ATP8A1: variants seen among roughly 807,000 people sequenced by gnomAD.
The protein encoded by ATP8A1 is phospholipid-transporting ATPase IA.
In ATP8A1, 90 loss-of-function variants were observed where a neutral mutation model predicts 177.7. The ratio of observed to expected loss-of-function variants is 0.51; its 90% CI spans 0.43 to 0.60. The LOEUF is 0.60. Ranked by LOEUF, ATP8A1 falls within the 20% of genes least tolerant of loss-of-function variation. The pLI, the probability that ATP8A1 is intolerant of heterozygous loss-of-function variation, is 0.00. For missense variants in ATP8A1, 1,072 were observed against 1,392.8 expected (o/e 0.77, Z 3.67); for synonymous variants, 493 against 485.9 (o/e 1.01, Z -0.19).
intron 16 of ATP8A1, 89 bp downstream of exon 16, chr4:42,555,879 G>A: frequency 1.2e-6 from 1 of 828,348 alleles, no homozygotes; most frequent in Non-Finnish European, 1.8e-6. Flanking sequence ...AGTAAAAAAA[G>A]AGAAACATGT....
Position 42,555,123 on chromosome 4 carries a change from ATCTATCTATCTATCTAATCT to A in ATP8A1, c.1413+825_1413+844del, listed in dbSNP as rs1220530918. Among the ~76,000 whole-genome samples, 486 of 97,548 alleles carry A rather than the reference ATCTATCTATCTATCTAATCT, an allele frequency of 5.0e-3. 2 individuals are homozygous for A. Among genetic ancestry groups the A allele is most frequent in the Non-Finnish European group, 6.4e-3 (312 of 48,778 alleles). 64.0% of individuals were successfully genotyped at this position (97,548 alleles called of 152,430 possible). A position where few individuals can be genotyped will look rare whatever the true frequency, so the allele number is the denominator to read the frequency against. On this transcript the variant is annotated intron_variant, in intron 16 of 36. Transcript: ENST00000381668. The stretch of plus-strand genomic sequence containing the variant: ...TATCTATCTATCTATCTATCTATCT[ATCTATCTATCTATCTAATCT>A]ATCTATCTATCTATCTATCTATCTA...
At chr4:42,477,546 G>T (rs1038719033) in intron 25 of ATP8A1, among the ~76,000 whole-genome samples, 1 of 152,120 alleles carries the variant, frequency 6.6e-6, no homozygotes, top group East Asian at 1.9e-4. Context: ...TTGCCTGGGG[G>T]CATACAGAGG....
At chr4:42,488,623 A>G (rs1267651715) in intron 24 of ATP8A1, among the ~76,000 whole-genome samples, 1 of 152,154 alleles carries the variant, frequency 6.6e-6, no homozygotes, top group Non-Finnish European at 1.5e-5. Flanking sequence ...CTGACACAAT[A>G]AAGTCTAAAC....
Position 42,656,853 on chromosome 4 carries a change from G to A in ATP8A1, c.21C>T (p.Thr7=), listed in dbSNP as rs1741688669. 2 of 1,586,422 alleles carry A rather than the reference G, an allele frequency of 1.3e-6. No homozygotes were observed. The highest frequency in any genetic ancestry group is 8.6e-7 in the Non-Finnish European group (1 of 1,166,600). The change falls in exon 1 of 37, where the codon ACC becomes ACT. Residue 7 remains threonine (T), a synonymous_variant. Coordinates refer to ENST00000381668, the MANE Select transcript of ATP8A1 (RefSeq NM_006095.2). The stretch of plus-strand genomic sequence containing the variant: ...CGGCGCGCGAGCGGATCTCCGACAC[G>A]GTCCTCCGCATGGTGGGCATCGCGG... MPTMRR[T]VSEIRSRAEG...
At chr4:42,509,423 T>C (rs1724765223) in intron 22 of ATP8A1, among the ~76,000 whole-genome samples, 1 of 152,252 alleles carries the variant, frequency 6.6e-6, no homozygotes, top group Admixed American at 6.5e-5. Context: ...GTCCCCGCTA[T>C]AGCGGCCATA....
chr4:42,647,867 A>G (rs1006243527), intron 1 of ATP8A1, among the ~76,000 whole-genome samples: 1 of 152,210 alleles, frequency 6.6e-6, no homozygotes, highest in African/African-American at 2.4e-5. Context: ...TCCACAATAC[A>G]TCAGCAGATA....
chr4:42,435,817 T>C (rs1459467321), intron 33 of ATP8A1, among the ~76,000 whole-genome samples: 1 of 152,242 alleles, frequency 6.6e-6, no homozygotes, highest in Non-Finnish European at 1.5e-5. Flanking sequence ...CCGTCCCAAC[T>C]TCAGAAAGAC....
At chr4:42,562,901 G>T (rs1450139372) in intron 15 of ATP8A1, among the ~76,000 whole-genome samples, 1 of 152,208 alleles carries the variant, frequency 6.6e-6, no homozygotes, top group Non-Finnish European at 1.5e-5. Flanking sequence ...GGAACTGTAA[G>T]TCCAATAAAC....
At chr4:42,589,827 C>G (rs1201922498) in intron 7 of ATP8A1, among the ~76,000 whole-genome samples, 1 of 146,390 alleles carries the variant, frequency 6.8e-6, no homozygotes, top group Non-Finnish European at 1.5e-5. Flanking sequence ...CATATTCTGA[C>G]AATTAGAATA....
intron 5 of ATP8A1, among the ~76,000 whole-genome samples, chr4:42,601,647 A>T (rs1210374494): frequency 6.6e-6 from 1 of 152,152 alleles, no homozygotes; most frequent in Non-Finnish European, 1.5e-5. Flanking sequence ...CCCATCAACA[A>T]ATTATCCAGA....
chr4:42,526,800 C>G (rs1020315079), intron 20 of ATP8A1, among the ~76,000 whole-genome samples: 18 of 152,094 alleles, frequency 1.2e-4, no homozygotes, highest in African/African-American at 4.3e-4. Context: ...TCTAGAGGAA[C>G]AGAATATTAA....
At chr4:42,559,115 G>T (rs1178462617) in intron 15 of ATP8A1, among the ~76,000 whole-genome samples, 1 of 152,192 alleles carries the variant, frequency 6.6e-6, no homozygotes, top group Non-Finnish European at 1.5e-5. Context: ...GAGCTCTGGA[G>T]TTTGGGGCTG....
rs750315279 is a variant in ATP8A1, at chr4:42,555,995, T to C, written c.1386A>G (p.Ser462=). The change falls in exon 16 of 37, where the codon TCA becomes TCG. Residue 462 remains serine (S), a synonymous_variant. Coordinates refer to ENST00000381668, the MANE Select transcript of ATP8A1 (RefSeq NM_006095.2). Reference sequence around the variant, plus strand: ...GATTATTTTGGAGATTTTCCAGCAATGATGAATCACTAAATGTTTTTTCAT... The same window carrying C: ...GATTATTTTGGAGATTTTCCAGCAACGATGAATCACTAAATGTTTTTTCAT... ...FGDEKTFSDS[S]LLENLQNNHP... is the part of the protein sequence containing the mutation. 6.2e-7 allele frequency: 1 copy of C among 1,612,130 alleles called. No homozygotes were observed. The highest frequency in any genetic ancestry group is 8.5e-7 in the Non-Finnish European group (1 of 1,178,966).
intron 15 of ATP8A1, among the ~76,000 whole-genome samples, chr4:42,564,753 G>A: frequency 6.6e-6 from 1 of 152,174 alleles, no homozygotes; most frequent in African/African-American, 2.4e-5. Context: ...GCTGAAATGA[G>A]TTAAGACTTT....
At chr4:42,530,021 C>T (rs1371030853) in intron 20 of ATP8A1, among the ~76,000 whole-genome samples, 1 of 152,196 alleles carries the variant, frequency 6.6e-6, no homozygotes, top group Non-Finnish European at 1.5e-5. Context: ...ATTTGTATCC[C>T]ATGTGAGTGC....
At chr4:42,463,284 T>C (rs953899093) in intron 27 of ATP8A1, among the ~76,000 whole-genome samples, 5 of 152,176 alleles carry the variant, frequency 3.3e-5, no homozygotes, top group Admixed American at 6.5e-5. Context: ...TGGGAGGTAA[T>C]TGAATCATGG....
At chr4:42,563,453 G>C (rs370343824) in intron 15 of ATP8A1, among the ~76,000 whole-genome samples, 1 of 152,190 alleles carries the variant, frequency 6.6e-6, no homozygotes, top group African/African-American at 2.4e-5. Context: ...CTGACAATGT[G>C]ATAGAAAAGA....
intron 20 of ATP8A1, among the ~76,000 whole-genome samples, chr4:42,533,224 C>T (rs1727459183): frequency 6.6e-6 from 1 of 152,164 alleles, no homozygotes; most frequent in Non-Finnish European, 1.5e-5. Flanking sequence ...AGCTTGCTTT[C>T]TCAGCTGGGA....
At chr4:42,522,063 A>C in intron 22 of ATP8A1, 97 bp downstream of exon 22, 1 of 1,379,708 alleles carries the variant, frequency 7.2e-7, no homozygotes, top group South Asian at 1.4e-5. Flanking sequence ...ATGGTATGTC[A>C]AGATATTTTG....
Sources: gnomAD v4.1 joint callset for allele counts (sites outside exome capture counted in the v4.1 genomes callset) on GRCh38, gnomAD v4.1.1 for gene constraint, MANE v1.5 for transcripts, NCBI Gene and HGNC (gene_info 2026-07-23, HGNC 2026-07-21) for gene names.